The following BNC2 variants were observed in gnomAD, a reference collection of about 807,000 sequenced individuals.
BNC2 encodes basonuclin zinc finger protein 2.
A neutral mutation model predicts 76.3 loss-of-function variants in BNC2; 20 were observed. The observed-to-expected ratio is 0.26, with a 90% confidence interval of 0.18 to 0.38. The LOEUF is 0.38. Among genes scored for constraint, BNC2 ranks in the 10% least tolerant of loss-of-function variants. BNC2 has a pLI of 1.00. For synonymous variants in BNC2, 582 were observed against 514.8 expected (o/e 1.13, Z -1.77); for missense variants, 1,382 against 1,399.8 (o/e 0.99, Z 0.20).
In BNC2 at chr9:16,437,117, A is replaced by T; in HGVS notation, c.1077T>A (p.Thr359=). 6.2e-7 allele frequency: 1 copy of T among 1,614,102 alleles called. No individual in the cohort carries two copies. The highest frequency in any genetic ancestry group is 1.1e-5 in the South Asian group (1 of 91,078). ...CGCTGCTCTCATTATATTCATTCTG[A>T]GTTGAAAGGCTGGGTTCCCGCAGCC... The part of the protein sequence containing the change: ...GLRLREPSLS[T]QNEYNESSES... The change falls in exon 6 of 7, where the codon ACT becomes ACA. Residue 359 remains threonine, a synonymous_variant. Transcript: ENST00000380672.
chr9:16,478,121 C>G (rs1385446100), intron 5 of BNC2, among the ~76,000 whole-genome samples: 1 of 152,116 alleles, frequency 6.6e-6, no homozygotes, highest in Non-Finnish European at 1.5e-5. Flanking sequence ...TATGTCTTTC[C>G]TTCCACTGGG....
chr9:16,696,954 T>C lies in BNC2; in HGVS notation c.330+30843A>G, dbSNP rs1823356256. Among the ~76,000 whole-genome samples, 4 of 152,252 alleles carry C rather than the reference T, an allele frequency of 2.6e-5. No individual in the cohort carries two copies. In the South Asian group the frequency reaches 8.3e-4, roughly 31 times the overall value. On this transcript the variant is annotated intron_variant, in intron 3 of 6. Coordinates refer to ENST00000380672, the MANE Select transcript of BNC2 (RefSeq NM_017637.6). ...TGTGGTATATTTCTGCTGAAATGATTCTTCTCCTCTTATTGGACTTTCCTT... is the reference window on the plus strand; with the variant it reads ...TGTGGTATATTTCTGCTGAAATGATCCTTCTCCTCTTATTGGACTTTCCTT...
chr9:16,636,709 G>A (rs1370711126), intron 3 of BNC2, among the ~76,000 whole-genome samples: 2 of 152,102 alleles, frequency 1.3e-5, no homozygotes, highest in Non-Finnish European at 2.9e-5. Flanking sequence ...GAAAATACCT[G>A]AAGGGAAGTG....
intron 3 of BNC2, among the ~76,000 whole-genome samples, chr9:16,693,311 C>G (rs560243749): frequency 1.3e-4 from 20 of 152,052 alleles, no homozygotes; most frequent in African/African-American, 4.8e-4. Flanking sequence ...TTCCAGAGAA[C>G]GTGCATGAAT....
intron 3 of BNC2, chr9:16,685,494 C>T: frequency 8.5e-7 from 1 of 1,180,818 alleles, no homozygotes. Flanking sequence ...TTTCCAGGAC[C>T]ACTGTTTCTG....
chr9:16,594,432 A>G (rs1375895354), intron 3 of BNC2, among the ~76,000 whole-genome samples: 1 of 152,136 alleles, frequency 6.6e-6, no homozygotes, highest in African/African-American at 2.4e-5. Context: ...GGAGCTGCCC[A>G]CCTTATTTCA....
At chr9:16,468,706 G>T (rs1460390105) in intron 5 of BNC2, among the ~76,000 whole-genome samples, 1 of 152,016 alleles carries the variant, frequency 6.6e-6, no homozygotes, top group Non-Finnish European at 1.5e-5. Flanking sequence ...GCAGTATCTT[G>T]AATAATTTCC....
intron 4 of BNC2, chr9:16,580,158 G>A (rs950385543): frequency 2.5e-6 from 1 of 398,604 alleles, no homozygotes; most frequent in Non-Finnish European, 4.4e-6. Flanking sequence ...TCTGTGCAGA[G>A]AGAGGGAATG....
At chr9:16,582,852 C>A (rs759669495) in intron 4 of BNC2, 131 bp downstream of exon 4, 2 of 757,564 alleles carry the variant, frequency 2.6e-6, no homozygotes, top group Admixed American at 1.9e-5. Flanking sequence ...TGGAGCACAG[C>A]TGACCTCTCT....
chr9:16,761,569 G>A (rs996002831), intron 1 of BNC2, among the ~76,000 whole-genome samples: 2 of 152,220 alleles, frequency 1.3e-5, no homozygotes, highest in Non-Finnish European at 2.9e-5. Flanking sequence ...CTTTTGCGGG[G>A]AGAGGGAGTC....
At chr9:16,698,312 T>C (rs2093445344) in intron 3 of BNC2, among the ~76,000 whole-genome samples, 1 of 75,528 alleles carries the variant, frequency 1.3e-5, no homozygotes, top group Non-Finnish European at 2.7e-5. Flanking sequence ...ATTTAAGCAC[T>C]ACTGTTTATT....
intron 5 of BNC2, among the ~76,000 whole-genome samples, chr9:16,443,452 G>A (rs890774996): frequency 7.9e-5 from 12 of 152,132 alleles, no homozygotes; most frequent in Non-Finnish European, 7.4e-5. Flanking sequence ...AAGAGAAACA[G>A]ATTGGATAGA....
intron 5 of BNC2, among the ~76,000 whole-genome samples, chr9:16,536,431 A>T (rs908144267): frequency 5.9e-5 from 9 of 152,232 alleles, no homozygotes; most frequent in African/African-American, 1.7e-4. Context: ...ATCACTAATA[A>T]GCTGAGGTAT....
chr9:16,468,599 T>C (rs915105061), intron 5 of BNC2, among the ~76,000 whole-genome samples: 1 of 152,002 alleles, frequency 6.6e-6, no homozygotes, highest in South Asian at 2.1e-4. Flanking sequence ...TTTCACCACG[T>C]TGGCCAGAAT....
intron 5 of BNC2, among the ~76,000 whole-genome samples, chr9:16,489,083 A>C (rs1218628366): frequency 6.6e-6 from 1 of 152,234 alleles, no homozygotes; most frequent in African/African-American, 2.4e-5. Context: ...TTAAGCTTCT[A>C]AGTAACAATT....
intron 3 of BNC2, among the ~76,000 whole-genome samples, chr9:16,718,655 T>C (rs183556932): frequency 6.6e-6 from 1 of 152,274 alleles, no homozygotes; most frequent in East Asian, 1.9e-4. Flanking sequence ...TTCCAATGAA[T>C]GACACTGAGT....
intron 5 of BNC2, among the ~76,000 whole-genome samples, chr9:16,466,031 C>T (rs1183869601): frequency 8.8e-6 from 1 of 113,862 alleles, no homozygotes; most frequent in Non-Finnish European, 1.8e-5. Context: ...TCTTATACAC[C>T]AACAACAGAC....
chr9:16,436,449 A>C lies in BNC2; in HGVS notation c.1745T>G (p.Met582Arg). Residue 582 changes from methionine to arginine, a missense_variant, in exon 6 of 7, where the codon ATG (methionine) becomes AGG (arginine). Transcript: ENST00000380672. ...TGGGAGGGAGGTTGGAGGACTCACC[A>C]TTTCCCCTGGAGTGAGTAAACTTCT... ...FYRSLLTPGE[M>R]VSPPTSLPTS... The C allele has an allele frequency of 6.2e-7, 1 of 1,613,884 alleles. No individual in the cohort carries two copies.
intron 1 of BNC2, among the ~76,000 whole-genome samples, chr9:16,805,390 G>A (rs1380685170): frequency 2.0e-5 from 3 of 151,848 alleles, no homozygotes; most frequent in African/African-American, 4.8e-5. Flanking sequence ...ACAATGGCAC[G>A]ATCTCAGCTC....
Sources: gnomAD v4.1 joint callset for allele counts (sites outside exome capture counted in the v4.1 genomes callset) on GRCh38, gnomAD v4.1.1 for gene constraint, MANE v1.5 for transcripts, NCBI Gene and HGNC (gene_info 2026-07-23, HGNC 2026-07-21) for gene names.